TBL1XR1: variants seen among roughly 807,000 people sequenced by gnomAD.
TBL1XR1 encodes TBL1X/Y related 1, also known as F-box-like/WD repeat-containing protein TBL1XR1.
TBL1XR1 carries 5 observed loss-of-function variants against 66.9 expected under a neutral mutation model. The observed-to-expected ratio is 0.07, with a 90% CI of 0.04 to 0.16. The LOEUF (loss-of-function observed/expected upper bound fraction) is 0.16. Ranked by LOEUF, TBL1XR1 falls within the 10% of genes least tolerant of loss-of-function variation. The pLI is 1.00. For missense variants in TBL1XR1, 238 were observed against 623.2 expected (o/e 0.38, Z 6.58); for synonymous variants, 210 against 206.0 (o/e 1.02, Z -0.17).
chr3:177,128,268 A>G (rs1727881913), intron 1 of TBL1XR1, among the ~76,000 whole-genome samples: 1 of 152,200 alleles, frequency 6.6e-6, no homozygotes, highest in Admixed American at 6.5e-5. Context: ...CTGTAATTTA[A>G]AACATTAGAA....
chr3:177,064,897 A>G, intron 3 of TBL1XR1, 23 bp downstream of exon 3: 1 of 1,410,258 alleles, frequency 7.1e-7, no homozygotes, highest in Non-Finnish European at 9.7e-7. Flanking sequence ...TTTGAGGCCT[A>G]TTTACTTTAT....
At chr3:177,180,235 CAAAAAAA>C (rs34198735) in intron 1 of TBL1XR1, among the ~76,000 whole-genome samples, 6 of 72,228 alleles carry the variant, frequency 8.3e-5, no homozygotes, top group Admixed American at 3.5e-4. Flanking sequence ...GACTCCGTCT[CAAAAAAA>C]AAAAAAAAAA....
At chr3:177,166,550 T>G (rs550600902) in intron 1 of TBL1XR1, among the ~76,000 whole-genome samples, 1 of 152,220 alleles carries the variant, frequency 6.6e-6, no homozygotes, top group Non-Finnish European at 1.5e-5. Flanking sequence ...TCTCTGATGG[T>G]TTTATATGGG....
intron 1 of TBL1XR1, among the ~76,000 whole-genome samples, chr3:177,113,346 A>G (rs1275249603): frequency 6.6e-6 from 1 of 152,214 alleles, no homozygotes; most frequent in Non-Finnish European, 1.5e-5. Context: ...CAAAAAGTAC[A>G]AGCAACGAAA....
chr3:177,126,473 G>A (rs1727646935), intron 1 of TBL1XR1, among the ~76,000 whole-genome samples: 1 of 152,188 alleles, frequency 6.6e-6, no homozygotes. Context: ...AGTGTTGTTT[G>A]CTCCAATTAG....
At chr3:177,134,487 T>C (rs1401029087) in intron 1 of TBL1XR1, among the ~76,000 whole-genome samples, 3 of 152,230 alleles carry the variant, frequency 2.0e-5, no homozygotes, top group East Asian at 3.8e-4. Context: ...TTACATTCTA[T>C]AACACATGCC....
At chr3:177,055,625 A>C (rs1717710674) in intron 3 of TBL1XR1, among the ~76,000 whole-genome samples, 1 of 152,064 alleles carries the variant, frequency 6.6e-6, no homozygotes, top group Non-Finnish European at 1.5e-5. Context: ...CAACTATCTG[A>C]ATATGAGTAG....
At chr3:177,076,433 C>T (rs760544582) in intron 2 of TBL1XR1, among the ~76,000 whole-genome samples, 1 of 152,184 alleles carries the variant, frequency 6.6e-6, no homozygotes, top group African/African-American at 2.4e-5. Flanking sequence ...TTACGATCTA[C>T]CTAAATGATC....
intron 1 of TBL1XR1, among the ~76,000 whole-genome samples, chr3:177,143,232 G>C (rs539042813): frequency 2.0e-5 from 3 of 152,074 alleles, no homozygotes; most frequent in Admixed American, 6.5e-5. Flanking sequence ...CTATTGATCA[G>C]CTGACAAAAA....
intron 2 of TBL1XR1, among the ~76,000 whole-genome samples, chr3:177,076,686 G>A (rs981842207): frequency 4.6e-5 from 7 of 152,128 alleles, no homozygotes; most frequent in African/African-American, 1.7e-4. Context: ...TCAGTCATCT[G>A]TCCACCTTGG....
At chr3:177,036,587 GT>G (rs1714819092) in intron 12 of TBL1XR1, among the ~76,000 whole-genome samples, 1 of 152,214 alleles carries the variant, frequency 6.6e-6, no homozygotes, top group Non-Finnish European at 1.5e-5. Flanking sequence ...GTCACACACA[GT>G]TCCAGAAGAA....
intron 1 of TBL1XR1, among the ~76,000 whole-genome samples, chr3:177,155,603 C>T (rs1731392086): frequency 6.6e-6 from 1 of 152,134 alleles, no homozygotes; most frequent in Non-Finnish European, 1.5e-5. Context: ...ATACTAAGGA[C>T]TTTCAAAAGG....
intron 1 of TBL1XR1, among the ~76,000 whole-genome samples, chr3:177,111,466 T>C (rs950801728): frequency 6.6e-6 from 1 of 151,916 alleles, no homozygotes; most frequent in South Asian, 2.1e-4. Context: ...AGAGACAAAA[T>C]AGCTGGGAGG....
chr3:177,112,074 A>AATATATATATATATATATATATAT (rs1170375681), intron 1 of TBL1XR1, among the ~76,000 whole-genome samples: 19 of 40,946 alleles, frequency 4.6e-4, no homozygotes, highest in Non-Finnish European at 7.2e-4. Flanking sequence ...TATAAAATCA[A>AATATATATATATATATATATATAT]ATATATATAT....
chr3:177,108,883 A>G (rs1015653105), intron 1 of TBL1XR1, among the ~76,000 whole-genome samples: 1 of 152,208 alleles, frequency 6.6e-6, no homozygotes, highest in East Asian at 1.9e-4. Flanking sequence ...AACACTGGCC[A>G]TAAGTTGTGG....
intron 1 of TBL1XR1, among the ~76,000 whole-genome samples, chr3:177,167,428 G>A (rs925881542): frequency 2.6e-5 from 4 of 152,150 alleles, no homozygotes; most frequent in Non-Finnish European, 4.4e-5. Context: ...ACATTTGGTC[G>A]AACACGCAGA....
chr3:177,171,611 G>A (rs891942023), intron 1 of TBL1XR1, among the ~76,000 whole-genome samples: 3 of 146,976 alleles, frequency 2.0e-5, no homozygotes, highest in East Asian at 2.1e-4. Context: ...GCTGAGGCAG[G>A]AGAATGGTGT....
At chr3:177,109,125 CAAGT>C (rs1456474256) in intron 1 of TBL1XR1, among the ~76,000 whole-genome samples, 2 of 152,016 alleles carry the variant, frequency 1.3e-5, no homozygotes, top group African/African-American at 2.4e-5. Context: ...GGGGAAAAAA[CAAGT>C]AAATTGTATA....
chr3:177,124,889 A>T (rs1727422489), intron 1 of TBL1XR1, among the ~76,000 whole-genome samples: 1 of 152,100 alleles, frequency 6.6e-6, no homozygotes, highest in African/African-American at 2.4e-5. Context: ...AAAAGAAATG[A>T]ATTTAGAACC....
Sources: gnomAD v4.1 joint callset for allele counts (sites outside exome capture counted in the v4.1 genomes callset) on GRCh38, gnomAD v4.1.1 for gene constraint, MANE v1.5 for transcripts, NCBI Gene and HGNC (gene_info 2026-07-23, HGNC 2026-07-21) for gene names.